Variants in NINJ2 observed in about 807,000 individuals in gnomAD.
NINJ2 encodes ninjurin-2.
NINJ2 carries 12 observed loss-of-function variants against 11.7 expected under a neutral mutation model. That is an observed-to-expected ratio of 1.02 (90% CI 0.66 to 1.66). The LOEUF (loss-of-function observed/expected upper bound fraction) is 1.66. NINJ2 is among the 40% of genes most tolerant of loss of function. NINJ2 has a pLI of 0.00. For missense variants in NINJ2, 187 were observed against 181.8 expected, an observed-to-expected ratio of 1.03 and a Z score of -0.16; for synonymous variants, 93 against 76.8, an observed-to-expected ratio of 1.21 and a Z score of -1.10.
chr12:606,244 T>C (rs1458600915), intron 1 of NINJ2, among the ~76,000 whole-genome samples: 1 of 151,750 alleles, frequency 6.6e-6, no homozygotes, highest in African/African-American at 2.4e-5. Flanking sequence ...AATATGAAAT[T>C]AAAAATATAA....
At chr12:575,553 G>A (rs1044249706) in intron 1 of NINJ2, among the ~76,000 whole-genome samples, 20 of 152,228 alleles carry the variant, frequency 1.3e-4, no homozygotes, top group African/African-American at 2.9e-4. Flanking sequence ...AAAGAAGGTC[G>A]CCTGCTCCCT....
At chr12:623,262 C>T (rs1948174558) in intron 1 of NINJ2, among the ~76,000 whole-genome samples, 1 of 152,188 alleles carries the variant, frequency 6.6e-6, no homozygotes, top group Admixed American at 6.5e-5. Context: ...AGCTGTGGGC[C>T]TGCAGACCTG....
intron 1 of NINJ2, among the ~76,000 whole-genome samples, chr12:656,392 A>C (rs1937873344): frequency 6.6e-6 from 1 of 151,690 alleles, no homozygotes; most frequent in African/African-American, 2.4e-5. Flanking sequence ...TAAACCCAAA[A>C]TAGGTGACAA....
At chr12:655,044 TC>T (rs1332487198) in intron 1 of NINJ2, among the ~76,000 whole-genome samples, 1 of 152,034 alleles carries the variant, frequency 6.6e-6, no homozygotes, top group Non-Finnish European at 1.5e-5. Context: ...TGATAAAAAC[TC>T]TCAGTACACT....
rs58255968 is a variant in NINJ2 at position 600,653 on chromosome 12, GGTGTGTGTGTGT to G, written c.34-34487_34-34476del. ...AAGGCGGGTGGCAGAATTTTTTTGG[GGTGTGTGTGTGT>G]GTGTGTGTGTGTGTGTGTGTGTGTG... On this transcript the variant is annotated intron_variant, in intron 1 of 3. Coordinates refer to ENST00000305108, the MANE Select transcript of NINJ2 (RefSeq NM_016533.6). Among the ~76,000 whole-genome samples, 613 of 142,018 alleles carry G rather than the reference GGTGTGTGTGTGT, an allele frequency of 4.3e-3. 4 individuals carry two copies. Among genetic ancestry groups the G allele is most frequent in the South Asian group, 5.6e-3 (24 of 4,324 alleles). The allele number at this position is 142,018 out of a possible 152,430, so 93.2% of individuals were successfully genotyped here. A position where few individuals can be genotyped will look rare whatever the true frequency, so the allele number is the denominator to read the frequency against.
At chr12:653,283 T>C (rs997428264) in intron 1 of NINJ2, among the ~76,000 whole-genome samples, 18 of 152,092 alleles carry the variant, frequency 1.2e-4, no homozygotes, top group African/African-American at 4.1e-4. Flanking sequence ...CCTCCCAAAG[T>C]GCTGGGATTA....
intron 1 of NINJ2, among the ~76,000 whole-genome samples, chr12:576,211 C>A (rs1478813813): frequency 6.6e-6 from 1 of 152,224 alleles, no homozygotes; most frequent in African/African-American, 2.4e-5. Flanking sequence ...GGGCCTAAAG[C>A]TGCAGCACCG....
intron 1 of NINJ2, among the ~76,000 whole-genome samples, chr12:623,266 A>G (rs1446647437): frequency 1.3e-5 from 2 of 152,202 alleles, no homozygotes; most frequent in African/African-American, 4.8e-5. Context: ...GTGGGCCTGC[A>G]GACCTGTGGT....
At chr12:598,016 G>T (rs887043382) in intron 1 of NINJ2, among the ~76,000 whole-genome samples, 2 of 152,352 alleles carry the variant, frequency 1.3e-5, no homozygotes. Context: ...TAGGTAGGAG[G>T]TCCCCTGCGG....
intron 1 of NINJ2, among the ~76,000 whole-genome samples, chr12:650,239 C>A (rs909791790): frequency 5.9e-5 from 9 of 152,030 alleles, no homozygotes; most frequent in Non-Finnish European, 8.8e-5. Flanking sequence ...CGCTCACCAC[C>A]ACACCTGGCT....
At position 651,318 on chromosome 12, in the gene NINJ2, C is replaced by T. The variant is rs577518458; in HGVS notation, c.33+12010G>A. 2.0e-5 allele frequency among the ~76,000 whole-genome samples: 3 copies of T among 152,248 alleles called. No individual in the cohort carries two copies. In the South Asian group the frequency reaches 6.2e-4, roughly 32 times the overall value. On this transcript the variant is annotated intron_variant, in intron 1 of 3. Transcript: ENST00000305108. ...AAACTTTGCTGGGGTTTTATTAGAG[C>T]CCAGGTGACCTGGGGGAAGGGGAAG... is the stretch of plus-strand genomic sequence containing the variant.
intron 1 of NINJ2, among the ~76,000 whole-genome samples, chr12:588,231 A>AAGGGAGGGAAGGGACG (rs1947670965): frequency 6.9e-6 from 1 of 145,572 alleles, no homozygotes; most frequent in African/African-American, 2.5e-5. Flanking sequence ...CGGAAGGGAC[A>AAGGGAGGGAAGGGACG]GAAGGGAGGG....
chr12:567,658 GC>G (rs1947319975), intron 1 of NINJ2, among the ~76,000 whole-genome samples: 1 of 152,150 alleles, frequency 6.6e-6, no homozygotes, highest in African/African-American at 2.4e-5. Flanking sequence ...TTACACATAG[GC>G]TAACTGATTT....
At chr12:622,768 A>G (rs1038990097) in intron 1 of NINJ2, among the ~76,000 whole-genome samples, 4 of 151,520 alleles carry the variant, frequency 2.6e-5, no homozygotes, top group African/African-American at 9.7e-5. Flanking sequence ...GCAGTCACAC[A>G]CGGATAGCTT....
intron 1 of NINJ2, among the ~76,000 whole-genome samples, chr12:635,090 G>A (rs990706415): frequency 1.4e-5 from 2 of 141,614 alleles, no homozygotes; most frequent in Admixed American, 1.5e-4. Context: ...TTTTGCTCTT[G>A]TTGCCTAGGC....
chr12:662,555 G>T (rs1399317199), intron 1 of NINJ2, among the ~76,000 whole-genome samples: 1 of 152,208 alleles, frequency 6.6e-6, no homozygotes, highest in African/African-American at 2.4e-5. Flanking sequence ...GATCTCAAAA[G>T]TCCTTTTCCA....
intron 1 of NINJ2, among the ~76,000 whole-genome samples, chr12:616,467 G>A (rs567789143): frequency 6.6e-6 from 1 of 152,350 alleles, no homozygotes; most frequent in South Asian, 2.1e-4. Context: ...TTGGGTGGTG[G>A]CAGAACAAAA....
chr12:601,000 T>G (rs1947859306), intron 1 of NINJ2, among the ~76,000 whole-genome samples: 1 of 152,226 alleles, frequency 6.6e-6, no homozygotes, highest in Non-Finnish European at 1.5e-5. Flanking sequence ...CCAATTCCTT[T>G]GGTAGGGAGA....
At chr12:596,238 C>T (rs1178279876) in intron 1 of NINJ2, among the ~76,000 whole-genome samples, 1 of 152,138 alleles carries the variant, frequency 6.6e-6, no homozygotes, top group Non-Finnish European at 1.5e-5. Context: ...ATATAACTGC[C>T]AAAACTTGGA....
Sources: gnomAD v4.1 joint callset for allele counts (sites outside exome capture counted in the v4.1 genomes callset) on GRCh38, gnomAD v4.1.1 for gene constraint, MANE v1.5 for transcripts, NCBI Gene and HGNC (gene_info 2026-07-23, HGNC 2026-07-21) for gene names.